TNFSF12: variants seen among roughly 807,000 people sequenced by gnomAD.
TNFSF12 encodes the protein tumor necrosis factor ligand superfamily member 12.
In TNFSF12, 16 loss-of-function variants were observed where a neutral mutation model predicts 31.2. The observed-to-expected ratio is 0.51, with a 90% CI of 0.35 to 0.78. TNFSF12 has a LOEUF of 0.78. TNFSF12 is among the 30% of genes least tolerant of loss of function. The probability of loss-of-function intolerance (pLI) is 0.01; values close to 1 mark genes in which losing one functional copy is unlikely to be tolerated. For missense variants in TNFSF12, 324 were observed against 338.8 expected (o/e 0.96, Z 0.34); for synonymous variants, 150 against 151.4 (o/e 0.99, Z 0.07).
At position 7,555,973 on chromosome 17, in the gene TNFSF12, G is replaced by GTTTTTTGTTTTTTTTTT. The variant is rs1555564686; in HGVS notation, c.374-799_374-798insGTTTTTTTTTTTTTTTT. Among the ~76,000 whole-genome samples, 26 of 70,904 alleles carry GTTTTTTGTTTTTTTTTT rather than the reference G, an allele frequency of 3.7e-4. 3 individuals are homozygous for GTTTTTTGTTTTTTTTTT. Among genetic ancestry groups the GTTTTTTGTTTTTTTTTT allele is most frequent in the Non-Finnish European group, 5.7e-4 (22 of 38,452 alleles). 46.5% of individuals were successfully genotyped at this position (70,904 alleles called of 152,430 possible). The stretch of plus-strand genomic sequence containing the variant: ...GTGGAAATAAAAATGCCCAGTGAGC[G>GTTTTTTGTTTTTTTTTT]TTTTTTTTGTTTTTTTTTTTTTTTG... On this transcript the variant is annotated intron_variant, in intron 5 of 6. Coordinates refer to ENST00000293825, the MANE Select transcript of TNFSF12 (RefSeq NM_003809.3).
In TNFSF12 at chr17:7,557,002, G is replaced by A. The variant is rs2071078647; in HGVS notation, c.499-97G>A. 2.0e-6 allele frequency: 3 copies of A among 1,537,414 alleles called. No homozygotes were observed. The highest frequency in any genetic ancestry group is 2.6e-6 in the Non-Finnish European group (3 of 1,138,410). On this transcript the variant is annotated intron_variant, in intron 6 of 6. Coordinates refer to ENST00000293825, the MANE Select transcript of TNFSF12 (RefSeq NM_003809.3). This position sits in a 1 kb window ranked among gnomAD's most constrained non-coding sequence, Gnocchi z 5.2. ...CTACAGGGCTGGGAGGGTGAGTTGG[G>A]GTTTGGGTGGGATGGGATGCCTGCG...
Position 7,557,225 on chromosome 17 carries a change from C to G in TNFSF12, c.625C>G (p.Leu209Val), listed in dbSNP as rs1203740639. ...AASSLGPQLR[L>V]CQVSGLLALR... ...GAGTTCCCTCGGGCCCCAGCTCCGC[C>G]TCTGCCAGGTGTCTGGGCTGTTGGC... is the stretch of plus-strand genomic sequence containing the variant. Residue 209 changes from leucine to valine, a missense_variant, in exon 7 of 7, where the codon CTC becomes GTC. Physicochemically the swap from Leu to Val is conservative, Grantham distance 32. Transcript: ENST00000293825. The surrounding 1 kb of genome is among the most constrained non-coding windows in gnomAD (Gnocchi z 5.2). 1.2e-6 allele frequency: 2 copies of G among 1,612,366 alleles called. No homozygotes were observed. The highest frequency in any genetic ancestry group is 1.1e-5 in the South Asian group (1 of 91,028).
At chr17:7,553,011 G>T (rs910188459) in intron 5 of TNFSF12, among the ~76,000 whole-genome samples, 1 of 145,310 alleles carries the variant, frequency 6.9e-6, no homozygotes, top group Admixed American at 6.9e-5. Context: ...AGGAACTGGA[G>T]GCAGGGACAA....
At position 7,549,292 on chromosome 17, in the gene TNFSF12, C is replaced by G. The variant is rs1003055172; in HGVS notation, c.139C>G (p.Arg47Gly). The change falls in exon 1 of 7, where the codon CGG becomes GGG. Residue 47 changes from arginine to glycine, a missense_variant. Physicochemically the swap from Arg to Gly is moderately radical, Grantham distance 125 (BLOSUM62 -2). Coordinates refer to ENST00000293825, the MANE Select transcript of TNFSF12 (RefSeq NM_003809.3). The surrounding 1 kb of genome is among the most constrained non-coding windows in gnomAD (Gnocchi z 4.1). ...LLLAVVSLGS[R>G]ASLSAQEPAQ... Reference sequence around the variant, plus strand: ...GCTGGCCGTGGTCAGTTTGGGGAGCCGGGCATCGCTGTCCGCCCAGGTGAG... The same window carrying G: ...GCTGGCCGTGGTCAGTTTGGGGAGCGGGGCATCGCTGTCCGCCCAGGTGAG... 1 of 1,394,152 alleles carries G rather than the reference C, an allele frequency of 7.2e-7. No homozygotes were observed. The highest frequency in any genetic ancestry group is 9.3e-7 in the Non-Finnish European group (1 of 1,075,618). The allele number at this position is 1,394,152 out of a possible 1,614,324, so 86.4% of individuals were successfully genotyped here. A position where few individuals can be genotyped will look rare whatever the true frequency, so the allele number is the denominator to read the frequency against.
intron 5 of TNFSF12, among the ~76,000 whole-genome samples, chr17:7,555,973 GTTTTTTTTGT>G (rs2071057789): frequency 4.2e-5 from 3 of 70,878 alleles, no homozygotes; most frequent in African/African-American, 5.7e-5. Flanking sequence ...CCCAGTGAGC[GTTTTTTTTGT>G]TTTTTTTTTT....
chr17:7,553,569 A>G, intron 5 of TNFSF12: 1 of 1,165,252 alleles, frequency 8.6e-7, no homozygotes, highest in South Asian at 1.3e-5. Flanking sequence ...AGATACTCTA[A>G]TTACCTCCAT....
rs71159509 is a variant in TNFSF12 at position 7,553,023 on chromosome 17, C to CTTTTTTTT, written c.373+2077_373+2084dup. On this transcript the variant is annotated intron_variant, in intron 5 of 6. Coordinates refer to ENST00000293825, the MANE Select transcript of TNFSF12 (RefSeq NM_003809.3). ...ATAAGGAACTGGAGGCAGGGACAAC[C>CTTTTTTTT]TTTTTTTTTTTTTTTTTTTTTTTTT... Among the ~76,000 whole-genome samples the CTTTTTTTT allele has an allele frequency of 3.8e-4, 25 of 66,096 alleles. 6 individuals are homozygous for CTTTTTTTT. The highest frequency in any genetic ancestry group is 1.4e-3 in the African/African-American group (19 of 13,844). The allele number at this position is 66,096 out of a possible 152,430, so 43.4% of individuals were successfully genotyped here. A position where few individuals can be genotyped will look rare whatever the true frequency, so the allele number is the denominator to read the frequency against.
chr17:7,549,867 C>T lies in TNFSF12; in HGVS notation c.208-253C>T. The T allele has an allele frequency of 4.9e-6, 3 of 617,478 alleles. No individual in the cohort carries two copies. The allele number at this position is 617,478 out of a possible 1,614,324, so 38.2% of individuals were successfully genotyped here. On this transcript the variant is annotated intron_variant, in intron 2 of 6. Transcript: ENST00000293825. The surrounding 1 kb of genome is among the most constrained non-coding windows in gnomAD (Gnocchi z 4.1). ...GGGTGCGGGCATGTGTGCAATGTGC[C>T]AATTGAATGCAGGGTCTGCGTTGGT...
Position 7,555,973 on chromosome 17 carries a change from G to GTTTTTTTTTTTTTTTTTTTTTTTT in TNFSF12, c.374-797_374-796insTTTTTTTTTTTTTTTTTTTTTTTT, listed in dbSNP as rs59248137. The stretch of plus-strand genomic sequence containing the variant: ...GTGGAAATAAAAATGCCCAGTGAGC[G>GTTTTTTTTTTTTTTTTTTTTTTTT]TTTTTTTTGTTTTTTTTTTTTTTTG... On this transcript the variant is annotated intron_variant, in intron 5 of 6. Coordinates refer to ENST00000293825, the MANE Select transcript of TNFSF12 (RefSeq NM_003809.3). Among the ~76,000 whole-genome samples the GTTTTTTTTTTTTTTTTTTTTTTTT allele has an allele frequency of 2.7e-4, 19 of 70,902 alleles. 4 individuals are homozygous for GTTTTTTTTTTTTTTTTTTTTTTTT. Among genetic ancestry groups the GTTTTTTTTTTTTTTTTTTTTTTTT allele is most frequent in the East Asian group, 8.7e-4 (2 of 2,296 alleles). The allele number at this position is 70,902 out of a possible 152,430, so 46.5% of individuals were successfully genotyped here.
Position 7,557,528 on chromosome 17 carries a change from C to A in TNFSF12, c.*178C>A. On this transcript the variant is annotated 3_prime_UTR_variant, in exon 7 of 7. Coordinates refer to ENST00000293825, the MANE Select transcript of TNFSF12 (RefSeq NM_003809.3). The surrounding 1 kb of genome is among the most constrained non-coding windows in gnomAD (Gnocchi z 5.2). The stretch of plus-strand genomic sequence containing the variant: ...ATCCCACATAAATACAGTATTCCCA[C>A]TCTTATCTTACAACTCCCCCACCGC... 1 of 874,914 alleles carries A rather than the reference C, an allele frequency of 1.1e-6. No homozygotes were observed. The highest frequency in any genetic ancestry group is 1.7e-6 in the Non-Finnish European group (1 of 599,658). The allele number at this position is 874,914 out of a possible 1,614,324, so 54.2% of individuals were successfully genotyped here. A position where few individuals can be genotyped will look rare whatever the true frequency, so the allele number is the denominator to read the frequency against.
rs2071078707 is a variant in TNFSF12, at chr17:7,557,005, T to C, written c.499-94T>C. ...CAGGGCTGGGAGGGTGAGTTGGGGT[T>C]TGGGTGGGATGGGATGCCTGCGTCG... On this transcript the variant is annotated intron_variant, in intron 6 of 6. Transcript: ENST00000293825. This position sits in a 1 kb window ranked among gnomAD's most constrained non-coding sequence, Gnocchi z 5.2. 6.5e-7 allele frequency: 1 copy of C among 1,537,654 alleles called. No homozygotes were observed.
Position 7,550,772 on chromosome 17 carries a change from G to A in TNFSF12, c.284-27G>A, listed in dbSNP as rs201760886. On this transcript the variant is annotated intron_variant, in intron 3 of 6. Transcript: ENST00000293825. The surrounding 1 kb of genome is among the most constrained non-coding windows in gnomAD (Gnocchi z 4.4). ...TGGGACCCCCACTAGGGCCCGCTTT[G>A]CTCATCTGTCTTTCCTTGATCCTCA... is the stretch of plus-strand genomic sequence containing the variant. The A allele has an allele frequency of 1.2e-6, 2 of 1,601,054 alleles. No homozygotes were observed. The highest frequency in any genetic ancestry group is 4.5e-5 in the East Asian group (2 of 44,476).
rs2070992023 is a variant in TNFSF12 at position 7,550,796 on chromosome 17, C to T, written c.284-3C>T. 7 of 1,609,554 alleles carry T rather than the reference C, an allele frequency of 4.3e-6. No individual in the cohort carries two copies. Among genetic ancestry groups the T allele is most frequent in the Non-Finnish European group, 6.0e-6 (7 of 1,176,246 alleles). On this transcript the variant is annotated splice_polypyrimidine_tract_variant and splice_region_variant and intron_variant, in intron 3 of 6. Coordinates refer to ENST00000293825, the MANE Select transcript of TNFSF12 (RefSeq NM_003809.3). The surrounding 1 kb of genome is among the most constrained non-coding windows in gnomAD (Gnocchi z 4.4). ...TGCTCATCTGTCTTTCCTTGATCCT[C>T]AGCACCTAAAGGCCGGAAAACACGG...
rs2070989875 is a variant in TNFSF12 at position 7,550,581 on chromosome 17, A to C, written c.284-218A>C. On this transcript the variant is annotated intron_variant, in intron 3 of 6. Transcript: ENST00000293825. This position sits in a 1 kb window ranked among gnomAD's most constrained non-coding sequence, Gnocchi z 4.4. The stretch of plus-strand genomic sequence containing the variant: ...CCCACCTGTTATCTCGGTGTGATTA[A>C]TAGCAGCTTCCCGTTTTGCTCTCAG... Among the ~76,000 whole-genome samples the C allele has an allele frequency of 6.6e-6, 1 of 152,010 alleles. No individual in the cohort carries two copies. Among genetic ancestry groups the C allele is most frequent in the Non-Finnish European group, 1.5e-5 (1 of 67,978 alleles).
At position 7,549,618 on chromosome 17, in the gene TNFSF12, G is replaced by A. The variant is rs1280105700; in HGVS notation, c.207+97G>A. On this transcript the variant is annotated intron_variant, in intron 2 of 6. Transcript: ENST00000293825. This position sits in a 1 kb window ranked among gnomAD's most constrained non-coding sequence, Gnocchi z 4.1. ...GTGCAGCTGTGCCAGCCGTACTCGA[G>A]GTGTGTGCAGGGTGTGTGTGAACAC... The A allele has an allele frequency of 1.4e-6, 2 of 1,437,194 alleles. No homozygotes were observed. Among genetic ancestry groups the A allele is most frequent in the South Asian group, 2.9e-5 (2 of 69,780 alleles). The allele number at this position is 1,437,194 out of a possible 1,614,324, so 89.0% of individuals were successfully genotyped here.
chr17:7,553,960 A>G, intron 5 of TNFSF12: 4 of 906,570 alleles, frequency 4.4e-6, no homozygotes, highest in Non-Finnish European at 4.1e-6. Context: ...CTGATTATGA[A>G]AGCAAGCTTC....
At position 7,557,274 on chromosome 17, in the gene TNFSF12, G is replaced by A. The variant is rs576689580; in HGVS notation, c.674G>A (p.Arg225Gln). 1.2e-5 allele frequency: 20 copies of A among 1,613,770 alleles called. No homozygotes were observed. Among genetic ancestry groups the A allele is most frequent in the Admixed American group, 5.0e-5 (3 of 60,002 alleles). Residue 225 changes from arginine (R) to glutamine (Q), a missense_variant, in exon 7 of 7, where the codon CGG becomes CAG. By Grantham distance (43) the Arg-to-Gln change is conservative. Coordinates refer to ENST00000293825, the MANE Select transcript of TNFSF12 (RefSeq NM_003809.3). The surrounding 1 kb of genome is among the most constrained non-coding windows in gnomAD (Gnocchi z 5.2). The stretch of plus-strand genomic sequence containing the variant: ...GCCCTGCGGCCAGGGTCCTCCCTGC[G>A]GATCCGCACCCTCCCCTGGGCCCAT... ...LLALRPGSSL[R>Q]IRTLPWAHLK...
Position 7,549,334 on chromosome 17 carries a change from C to CT in TNFSF12, c.159+24dup. The CT allele has an allele frequency of 1.4e-6, 2 of 1,404,876 alleles. No homozygotes were observed. Among genetic ancestry groups the CT allele is most frequent in the African/African-American group, 2.9e-5 (2 of 68,118 alleles). 87.0% of individuals were successfully genotyped at this position (1,404,876 alleles called of 1,614,324 possible). ...CCAGGTGAGGCCCCGCTGCGCACCC[C>CT]TTCTTGGGCACATCAGGAGCTGAGA... On this transcript the variant is annotated intron_variant, in intron 1 of 6. Transcript: ENST00000293825. This position sits in a 1 kb window ranked among gnomAD's most constrained non-coding sequence, Gnocchi z 4.1.
At chr17:7,555,982 G>GTTTTT (rs1167470187) in intron 5 of TNFSF12, among the ~76,000 whole-genome samples, 6 of 117,734 alleles carry the variant, frequency 5.1e-5, no homozygotes, top group South Asian at 5.3e-4. Context: ...CGTTTTTTTT[G>GTTTTT]TTTTTTTTTT....
Sources: gnomAD v4.1 joint callset for allele counts (sites outside exome capture counted in the v4.1 genomes callset) on GRCh38, gnomAD v4.1.1 for gene constraint, Gnocchi (gnomAD v3.1) non-coding constraint, MANE v1.5 for transcripts, NCBI Gene and HGNC (gene_info 2026-07-23, HGNC 2026-07-21) for gene names.